The following GRIP2 variants were observed in gnomAD, a reference collection of about 807,000 sequenced individuals.
The protein encoded by GRIP2 is glutamate receptor-interacting protein 2.
In GRIP2, 58 loss-of-function variants were observed where a neutral mutation model predicts 108.3. The ratio of observed to expected loss-of-function variants is 0.54; its 90% CI spans 0.43 to 0.67. The LOEUF (loss-of-function observed/expected upper bound fraction) is 0.67, where lower values mean the gene tolerates loss of function less well. Ranked by LOEUF, GRIP2 falls within the 30% of genes least tolerant of loss-of-function variation. GRIP2 has a pLI of 0.00. For missense variants in GRIP2, 1,278 were observed against 1,430.6 expected (o/e 0.89, Z 1.72); for synonymous variants, 586 against 598.2 (o/e 0.98, Z 0.30).
At chr3:14,535,150 TG>T (rs1694805259) in intron 1 of GRIP2, among the ~76,000 whole-genome samples, 3 of 152,200 alleles carry the variant, frequency 2.0e-5, no homozygotes, top group African/African-American at 7.2e-5. Flanking sequence ...GAAGAGGACA[TG>T]GGCGCTAAGT....
At chr3:14,574,542 TC>T in the GRIP2 span, 1 of 743,668 alleles carries the variant, frequency 1.3e-6, no homozygotes, top group South Asian at 1.4e-5. Flanking sequence ...CTTCTCCCAG[TC>T]CTTGAGTGCT....
chr3:14,509,727 A>G (rs1686386674), intron 17 of GRIP2, 93 bp downstream of exon 17: 4 of 1,228,024 alleles, frequency 3.3e-6, no homozygotes, highest in Non-Finnish European at 4.2e-6. Context: ...GTTGGAACAG[A>G]GGTCAGAATC....
At chr3:14,513,593 G>A in intron 13 of GRIP2, 72 bp downstream of exon 13, 1 of 1,518,044 alleles carries the variant, frequency 6.6e-7, no homozygotes, top group South Asian at 1.3e-5. Flanking sequence ...GTTTGCACAG[G>A]CGAGGCAGGA....
chr3:14,547,119 T>G (rs1316149911), intron 1 of GRIP2, among the ~76,000 whole-genome samples: 4 of 151,702 alleles, frequency 2.6e-5, no homozygotes, highest in Admixed American at 6.6e-5. Context: ...TGCAGCCACA[T>G]GAACAGATCT....
Position 14,522,758 on chromosome 3 carries a change from T to G in GRIP2, c.566+242A>C. 1 of 517,162 alleles carries G rather than the reference T, an allele frequency of 1.9e-6. No individual in the cohort carries two copies. The highest frequency in any genetic ancestry group is 3.5e-5 in the East Asian group (1 of 28,208). The allele number at this position is 517,162 out of a possible 1,614,324, so 32.0% of individuals were successfully genotyped here. On this transcript the variant is annotated intron_variant, in intron 6 of 23. Transcript: ENST00000621039. The surrounding 1 kb of genome is among the most constrained non-coding windows in gnomAD (Gnocchi z 4.3). ...AAGAACGACACCAAGGCTGCCCCTC[T>G]CCAAACACCCCAACCCCTGAGACAG... is the stretch of plus-strand genomic sequence containing the variant.
chr3:14,587,976 A>G, the GRIP2 span, among the ~76,000 whole-genome samples: 2 of 152,264 alleles, frequency 1.3e-5, no homozygotes, highest in African/African-American at 4.8e-5. Context: ...ATGTATTACT[A>G]TATTTGCATA....
At chr3:14,581,951 G>T in the GRIP2 span, among the ~76,000 whole-genome samples, 1 of 152,204 alleles carries the variant, frequency 6.6e-6, no homozygotes, top group East Asian at 1.9e-4. Context: ...GAGCTGAGGA[G>T]TAGGGCAACA....
At chr3:14,557,948 G>A (rs139191552), upstream of GRIP2, among the ~76,000 whole-genome samples, 413 of 152,344 alleles carry the variant, frequency 2.7e-3, 2 homozygotes, top group African/African-American at 8.9e-3. Context: ...AGCACTTAGC[G>A]GAGGGTGGCA....
At chr3:14,566,632 G>T in the GRIP2 span, among the ~76,000 whole-genome samples, 1 of 152,186 alleles carries the variant, frequency 6.6e-6, no homozygotes, top group African/African-American at 2.4e-5. Context: ...AGTGTTCAAA[G>T]GGACAGTGTA....
At chr3:14,496,750 T>G (rs964258089) in intron 21 of GRIP2, among the ~76,000 whole-genome samples, 190 bp from the exon 22 acceptor site, 1 of 152,338 alleles carries the variant, frequency 6.6e-6, no homozygotes, top group East Asian at 1.9e-4. Flanking sequence ...ACACTAACAA[T>G]GAGAACAATA....
chr3:14,520,700 C>T, intron 7 of GRIP2, 163 bp from the exon 8 acceptor site: 1 of 725,396 alleles, frequency 1.4e-6, no homozygotes, highest in African/African-American at 1.8e-5. Flanking sequence ...TTATCTTCTA[C>T]CAAATGTTAT....
the GRIP2 span, among the ~76,000 whole-genome samples, chr3:14,580,434 A>G: frequency 6.6e-6 from 1 of 152,214 alleles, no homozygotes; most frequent in Non-Finnish European, 1.5e-5. Context: ...AATGGTGCAC[A>G]CTTGTATTCC....
the GRIP2 span, among the ~76,000 whole-genome samples, chr3:14,582,355 T>C: frequency 6.6e-6 from 1 of 152,156 alleles, no homozygotes; most frequent in South Asian, 2.1e-4. Flanking sequence ...CTTCTATAGG[T>C]GTTAAATACG....
At chr3:14,572,691 G>A in the GRIP2 span, among the ~76,000 whole-genome samples, 1 of 151,304 alleles carries the variant, frequency 6.6e-6, no homozygotes, top group Non-Finnish European at 1.5e-5. Flanking sequence ...CAGTACAAGG[G>A]GTTCAACAGA....
chr3:14,537,473 C>T lies in GRIP2; in HGVS notation c.40+2796G>A, dbSNP rs570194528. On this transcript the variant is annotated intron_variant, in intron 1 of 23. Transcript: ENST00000621039. Reference sequence around the variant, plus strand: ...GGCCGGGCTTCTGTCTGCCTGCTCACTGCTGTGTGCAGCGCACACATTGTC... The same window carrying T: ...GGCCGGGCTTCTGTCTGCCTGCTCATTGCTGTGTGCAGCGCACACATTGTC... Among the ~76,000 whole-genome samples the T allele has an allele frequency of 1.4e-4, 22 of 152,388 alleles. No homozygotes were observed. The South Asian group carries it at 4.1e-3, about 29-fold the overall frequency.
chr3:14,520,587 C>T, intron 7 of GRIP2, 50 bp from the exon 8 acceptor site: 2 of 1,596,878 alleles, frequency 1.3e-6, no homozygotes, highest in East Asian at 4.5e-5. Flanking sequence ...GAGCACTTTC[C>T]TCCCCAGCCT....
chr3:14,502,548 G>A (rs1411306065), intron 21 of GRIP2, among the ~76,000 whole-genome samples: 1 of 151,546 alleles, frequency 6.6e-6, no homozygotes, highest in Non-Finnish European at 1.5e-5. Context: ...AAAAAGACAG[G>A]CAAATAATCA....
chr3:14,564,109 G>A, the GRIP2 span, among the ~76,000 whole-genome samples: 1 of 152,314 alleles, frequency 6.6e-6, no homozygotes, highest in East Asian at 1.9e-4. Flanking sequence ...CCCGAGCCAA[G>A]AAAGAAAATG....
At chr3:14,578,847 G>GTTT in the GRIP2 span, among the ~76,000 whole-genome samples, 51 of 147,410 alleles carry the variant, frequency 3.5e-4, no homozygotes, top group African/African-American at 1.0e-3. Context: ...CAGGCCAGCT[G>GTTT]TTTTTTTTTT....
Sources: gnomAD v4.1 joint callset for allele counts (sites outside exome capture counted in the v4.1 genomes callset) on GRCh38, gnomAD v4.1.1 for gene constraint, Gnocchi (gnomAD v3.1) non-coding constraint, MANE v1.5 for transcripts, NCBI Gene and HGNC (gene_info 2026-07-23, HGNC 2026-07-21) for gene names.